Variants in IL17RD observed in about 807,000 individuals in gnomAD.
IL17RD encodes the protein interleukin 17 receptor D.
Under a neutral mutation model 80.5 loss-of-function variants are expected in IL17RD, and 52 were observed. That is an observed-to-expected ratio of 0.65 (90% CI 0.52 to 0.81). The LOEUF (loss-of-function observed/expected upper bound fraction) is 0.81. Among genes scored for constraint, IL17RD ranks in the 40% least tolerant of loss-of-function variants. IL17RD has a pLI of 0.00. For missense variants in IL17RD, 1,024 were observed against 955.1 expected (o/e 1.07, Z -0.95); for synonymous variants, 416 against 391.8 (o/e 1.06, Z -0.73).
At chr3:57,131,270 C>A (rs966649282) in intron 1 of IL17RD, among the ~76,000 whole-genome samples, 1 of 152,152 alleles carries the variant, frequency 6.6e-6, no homozygotes, top group Non-Finnish European at 1.5e-5. Flanking sequence ...TGCCTTTCTA[C>A]AGAAAGAGCC....
In IL17RD at chr3:57,134,110, T is replaced by C. The variant is rs1253575024; in HGVS notation, c.127-13797A>G. ...TTTAAACTAAGAATCGGGGAGCTCA[T>C]TGCTTTCGCTGCTGCGGCCACAGCC... is the stretch of plus-strand genomic sequence containing the variant. On this transcript the variant is annotated intron_variant, in intron 1 of 12. Transcript: ENST00000296318. The C allele has an allele frequency of 1.6e-5, 9 of 545,502 alleles. No homozygotes were observed. In the East Asian group the frequency reaches 2.7e-4, roughly 16 times the overall value. 33.8% of individuals were successfully genotyped at this position (545,502 alleles called of 1,614,324 possible).
intron 1 of IL17RD, among the ~76,000 whole-genome samples, chr3:57,146,012 T>TGCGCGCACACACACACTCACGCGCGCGC (rs1170658515): frequency 2.6e-4 from 38 of 148,758 alleles, no homozygotes; most frequent in Admixed American, 1.1e-3. Context: ...GGGGAAAGCG[T>TGCGCGCACACACACACTCACGCGCGCGC]GCGCGCACAC....
chr3:57,130,294 C>T (rs1056573817), intron 1 of IL17RD, among the ~76,000 whole-genome samples: 1 of 152,190 alleles, frequency 6.6e-6, no homozygotes. Context: ...TCCCAAGACC[C>T]CACTCAGAAA....
At chr3:57,148,484 A>G (rs907488363) in intron 1 of IL17RD, among the ~76,000 whole-genome samples, 3 of 152,240 alleles carry the variant, frequency 2.0e-5, no homozygotes, top group Admixed American at 2.0e-4. Context: ...TTACCCATTT[A>G]GCAAATTTAT....
At chr3:57,108,276 G>C (rs142333641) in intron 5 of IL17RD, among the ~76,000 whole-genome samples, 1 of 151,618 alleles carries the variant, frequency 6.6e-6, no homozygotes, top group Non-Finnish European at 1.5e-5. Context: ...GGTTGGTCTC[G>C]AACTCCTGAC....
chr3:57,128,239 C>T (rs1418792986), intron 1 of IL17RD, among the ~76,000 whole-genome samples: 1 of 152,066 alleles, frequency 6.6e-6, no homozygotes. Context: ...CACATTGGCC[C>T]AAAAAGACCC....
chr3:57,120,177 G>A, intron 2 of IL17RD, 79 bp downstream of exon 2: 1 of 1,173,130 alleles, frequency 8.5e-7, no homozygotes, highest in Admixed American at 1.7e-5. Flanking sequence ...AGACTGCAGA[G>A]TCCTTGATTA....
rs1706755103 is a variant in IL17RD, at chr3:57,098,550, A to G, written c.1165-12T>C. The G allele has an allele frequency of 1.3e-6, 2 of 1,556,006 alleles. No homozygotes were observed. The highest frequency in any genetic ancestry group is 1.7e-6 in the Non-Finnish European group (2 of 1,143,900). ...AGGTCCAGAGCCACCTGGAAAGAGA[A>G]CAAGGCACCTCACCCATACAGAAGG... On this transcript the variant is annotated splice_polypyrimidine_tract_variant and intron_variant, in intron 11 of 12. Coordinates refer to ENST00000296318, the MANE Select transcript of IL17RD (RefSeq NM_017563.5).
intron 4 of IL17RD, 54 bp from the exon 5 acceptor site, chr3:57,109,711 C>A (rs1707051242): frequency 2.2e-5 from 34 of 1,580,718 alleles, no homozygotes; most frequent in Non-Finnish European, 2.8e-5. Flanking sequence ...CACCCCTCCA[C>A]CTTCATAAGG....
Position 57,097,859 on chromosome 3 carries a change from G to T in IL17RD, c.1844C>A (p.Pro615Gln), listed in dbSNP as rs772672872. 1 of 1,613,604 alleles carries T rather than the reference G, an allele frequency of 6.2e-7. No homozygotes were observed. The highest frequency in any genetic ancestry group is 8.5e-7 in the Non-Finnish European group (1 of 1,179,788). The part of the protein sequence containing the change: ...VEAAVLGATG[P>Q]ADSQHESQHG... The stretch of plus-strand genomic sequence containing the variant: ...CTGACTCTCGTGCTGGGAGTCGGCT[G>T]GTCCGGTTGCCCCAAGAACAGCCGC... Residue 615 changes from proline to glutamine, a missense_variant, in exon 12 of 13, where the codon CCA becomes CAA. Physicochemically the swap from Pro to Gln is moderately conservative, Grantham distance 76. Transcript: ENST00000296318.
At position 57,144,096 on chromosome 3, in the gene IL17RD, A is replaced by G. The variant is rs550406021; in HGVS notation, c.126+21065T>C. 1.2e-4 allele frequency among the ~76,000 whole-genome samples: 19 copies of G among 152,324 alleles called. No individual in the cohort carries two copies. The South Asian group carries it at 3.5e-3, about 28-fold the overall frequency. On this transcript the variant is annotated intron_variant, in intron 1 of 12. Transcript: ENST00000296318. ...GGCAGAATGAGGGCAAAGAGCCCCT[A>G]GTAAACTGCTGCAGGTGGAGGCACT...
At chr3:57,156,208 G>T (rs181954169) in intron 1 of IL17RD, among the ~76,000 whole-genome samples, 4 of 152,264 alleles carry the variant, frequency 2.6e-5, no homozygotes, top group Admixed American at 2.0e-4. Context: ...AAGAAAAGAG[G>T]ACAGTGAGCA....
intron 1 of IL17RD, among the ~76,000 whole-genome samples, chr3:57,139,494 G>A (rs1362506805): frequency 6.6e-6 from 1 of 150,862 alleles, no homozygotes; most frequent in African/African-American, 2.4e-5. Context: ...TTATTTATGG[G>A]GTACATGCAA....
chr3:57,135,265 AG>A (rs1218508614), intron 1 of IL17RD, among the ~76,000 whole-genome samples: 1 of 152,170 alleles, frequency 6.6e-6, no homozygotes, highest in Non-Finnish European at 1.5e-5. Context: ...GAAGCCCCAA[AG>A]GCACAGCAGG....
intron 2 of IL17RD, among the ~76,000 whole-genome samples, chr3:57,118,469 A>G (rs539967606): frequency 1.4e-4 from 22 of 152,364 alleles, no homozygotes; most frequent in African/African-American, 5.3e-4. Context: ...ACATTGATTC[A>G]TAACCCTGTC....
intron 2 of IL17RD, among the ~76,000 whole-genome samples, chr3:57,115,046 C>G (rs1241143676): frequency 2.0e-5 from 3 of 152,108 alleles, no homozygotes; most frequent in African/African-American, 7.2e-5. Context: ...CCACTCATCC[C>G]ATGTTAAATT....
intron 1 of IL17RD, among the ~76,000 whole-genome samples, chr3:57,160,572 G>A (rs757018026): frequency 2.2e-4 from 33 of 151,850 alleles, no homozygotes; most frequent in South Asian, 1.9e-3. Flanking sequence ...CTTCTCCCCC[G>A]CCCCGCTTCC....
chr3:57,111,713 G>A (rs980237442), intron 3 of IL17RD, among the ~76,000 whole-genome samples: 5 of 152,088 alleles, frequency 3.3e-5, no homozygotes, highest in Non-Finnish European at 5.9e-5. Flanking sequence ...ACTCACGCCT[G>A]TAATCCCAGC....
chr3:57,140,518 T>G (rs934338751), intron 1 of IL17RD, among the ~76,000 whole-genome samples: 1 of 152,220 alleles, frequency 6.6e-6, no homozygotes, highest in African/African-American at 2.4e-5. Flanking sequence ...TGGTGAATGT[T>G]TGCATGATGG....
Sources: allele counts gnomAD v4.1 joint callset (sites outside exome capture counted in the v4.1 genomes callset), GRCh38; gene constraint gnomAD v4.1.1; transcripts MANE v1.5; gene names NCBI Gene and HGNC (gene_info 2026-07-23, HGNC 2026-07-21).